CASKIN2: variants seen among roughly 807,000 people sequenced by gnomAD.
CASKIN2 encodes caskin-2.
Under a neutral mutation model 107.1 loss-of-function variants are expected in CASKIN2, and 41 were observed. The ratio of observed to expected loss-of-function variants is 0.38; its 90% confidence interval spans 0.30 to 0.50. CASKIN2 has a LOEUF of 0.50. Among genes scored for constraint, CASKIN2 ranks in the 20% least tolerant of loss-of-function variants. The pLI is 0.92. For missense variants in CASKIN2, 1,546 were observed against 1,657.4 expected (o/e 0.93, Z 1.17); for synonymous variants, 724 against 705.6 (o/e 1.03, Z -0.41).
chr17:75,501,997 G>C lies in CASKIN2; in HGVS notation c.3077C>G (p.Thr1026Ser). 1.9e-6 allele frequency: 3 copies of C among 1,612,656 alleles called. No individual in the cohort carries two copies. The highest frequency in any genetic ancestry group is 2.5e-6 in the Non-Finnish European group (3 of 1,179,662). The stretch of plus-strand genomic sequence containing the variant: ...AGAAGCTGGAGGAGACTCGCCAGGA[G>C]TTGGGGAAGGCAGTGGGGCAGCGGG... The part of the protein sequence containing the change: ...PGPAAPLPSP[T>S]PGESPPASSL... The change falls in exon 18 of 20, where the codon ACT (threonine) becomes AGT (serine). Residue 1026 changes from threonine to serine, a missense_variant. Coordinates refer to ENST00000321617, the MANE Select transcript of CASKIN2 (RefSeq NM_020753.5).
In CASKIN2 at chr17:75,502,106, C is replaced by A; in HGVS notation, c.2968G>T (p.Val990Phe). The A allele has an allele frequency of 6.2e-7, 1 of 1,608,472 alleles. No individual in the cohort carries two copies. Among genetic ancestry groups the A allele is most frequent in the Non-Finnish European group, 8.5e-7 (1 of 1,179,876 alleles). Reference protein sequence around the residue: ...LDFNLTESDTVKRRPKCRERE... With the variant: ...LDFNLTESDTFKRRPKCRERE... Reference sequence around the variant, plus strand: ...TCCCGGCACTTGGGCCTCCGCTTAACAGTGTCTGATTCCGTGAGGTTGAAA... The same window carrying A: ...TCCCGGCACTTGGGCCTCCGCTTAAAAGTGTCTGATTCCGTGAGGTTGAAA... Residue 990 changes from valine (V) to phenylalanine (F), a missense_variant, in exon 18 of 20, where the codon GTT becomes TTT. By Grantham distance (50) the Val-to-Phe change is conservative (BLOSUM62 -1). This residue lies in a region of CASKIN2 where 1,311 missense variants were observed against 1,311.0 expected (regional missense o/e 1.00). Transcript: ENST00000321617. The surrounding 1 kb of genome is among the most constrained non-coding windows in gnomAD (Gnocchi z 4.3).
Position 75,502,251 on chromosome 17 carries a change from TGGG to T in CASKIN2, c.2820_2822del (p.Pro941del). On this transcript the variant is annotated inframe_deletion, in exon 18 of 20. Coordinates refer to ENST00000321617, the MANE Select transcript of CASKIN2 (RefSeq NM_020753.5). This position sits in a 1 kb window ranked among gnomAD's most constrained non-coding sequence, Gnocchi z 4.3. ...GCCCTTCCCCAGAGCTGCCCCGAGA[TGGG>T]GGCGTCCCCTCAGGGCCTGGCTCCT... 1 of 1,555,168 alleles carries T rather than the reference TGGG, an allele frequency of 6.4e-7. No individual in the cohort carries two copies. Among genetic ancestry groups the T allele is most frequent in the East Asian group, 2.3e-5 (1 of 43,968 alleles).
At position 75,505,055 on chromosome 17, in the gene CASKIN2, C is replaced by T. The variant is rs145221152; in HGVS notation, c.949G>A (p.Asp317Asn). The T allele has an allele frequency of 7.0e-5, 112 of 1,611,018 alleles. No individual in the cohort carries two copies. Among genetic ancestry groups the T allele is most frequent in the Non-Finnish European group, 9.1e-5 (107 of 1,179,556 alleles). ...TGGATGTGGCCCTTCCAGCGGCCGT[C>T]GGGATGCTGTTCTAGCACCTGCGGC... ...DVITVLEQHP[D>N]GRWKGHIHES... Residue 317 changes from aspartate to asparagine, a missense_variant, in exon 11 of 20, where the codon GAC becomes AAC. Transcript: ENST00000321617. The surrounding 1 kb of genome is among the most constrained non-coding windows in gnomAD (Gnocchi z 5.1).
rs765945798 is a variant in CASKIN2 at position 75,503,692 on chromosome 17, G to C, written c.1647C>G (p.Leu549=). The C allele has an allele frequency of 2.9e-4, 474 of 1,612,304 alleles. 7 individuals carry two copies. The highest frequency in any genetic ancestry group is 3.0e-5 in the Non-Finnish European group (35 of 1,180,008). The change falls in exon 16 of 20, where the codon CTC becomes CTG. Residue 549 remains leucine, a synonymous_variant. Coordinates refer to ENST00000321617, the MANE Select transcript of CASKIN2 (RefSeq NM_020753.5). The part of the protein sequence containing the change: ...RKKIASEIAQ[L]SIAEWLPSYI... Reference sequence around the variant, plus strand: ...AGCTGGGCAGCCACTCGGCGATGCTGAGCTGAGCGATCTCTGAGGCGATCT... The same window carrying C: ...AGCTGGGCAGCCACTCGGCGATGCTCAGCTGAGCGATCTCTGAGGCGATCT...
In CASKIN2 at chr17:75,513,699, C is replaced by G. The variant is rs752086151; in HGVS notation, c.94+12G>C. On this transcript the variant is annotated intron_variant, in intron 2 of 19. Coordinates refer to ENST00000321617, the MANE Select transcript of CASKIN2 (RefSeq NM_020753.5). ...CGGCCTCAGCGGGATGCTCGTCCCA[C>G]CCGGTACTCACTTGTCTTTGTGGCC... The G allele has an allele frequency of 6.2e-7, 1 of 1,612,902 alleles. No individual in the cohort carries two copies. The highest frequency in any genetic ancestry group is 1.7e-4 in the Middle Eastern group (1 of 6,058).
At position 75,504,978 on chromosome 17, in the gene CASKIN2, G is replaced by A. The variant is rs761715660; in HGVS notation, c.1026C>T (p.Val342=). 2.5e-6 allele frequency: 4 copies of A among 1,612,348 alleles called. No homozygotes were observed. The highest frequency in any genetic ancestry group is 2.2e-5 in the East Asian group (1 of 44,874). The change falls in exon 11 of 20, where the codon GTC becomes GTT. Residue 342 remains valine, a synonymous_variant. Transcript: ENST00000321617. The part of the protein sequence containing the change: ...DRIGYFPPGI[V]EVVSKRVGIP... Reference sequence around the variant, plus strand: ...TGCCCACCCGCTTGCTGACCACCTCGACAATGCCCGGGGGGAAGTAGCCTA... The same window carrying A: ...TGCCCACCCGCTTGCTGACCACCTCAACAATGCCCGGGGGGAAGTAGCCTA...
At position 75,502,503 on chromosome 17, in the gene CASKIN2, C is replaced by A. The variant is rs747173090; in HGVS notation, c.2571G>T (p.Gln857His). The change falls in exon 18 of 20, where the codon CAG becomes CAT. Residue 857 changes from glutamine to histidine, a missense_variant. Coordinates refer to ENST00000321617, the MANE Select transcript of CASKIN2 (RefSeq NM_020753.5). The surrounding 1 kb of genome is among the most constrained non-coding windows in gnomAD (Gnocchi z 4.3). The part of the protein sequence containing the change: ...PTPARGTPRS[Q>H]SFALRARRKG... ...TGCGCCGGGCCCGCAGGGCAAAGGA[C>A]TGGCTGCGAGGAGTCCCCCGAGCTG... 7 of 1,467,070 alleles carry A rather than the reference C, an allele frequency of 4.8e-6. No individual in the cohort carries two copies. The highest frequency in any genetic ancestry group is 6.3e-6 in the Non-Finnish European group (7 of 1,104,600). 90.9% of individuals were successfully genotyped at this position (1,467,070 alleles called of 1,614,324 possible). A position where few individuals can be genotyped will look rare whatever the true frequency, so the allele number is the denominator to read the frequency against.
In CASKIN2 at chr17:75,505,239, G is replaced by T; in HGVS notation, c.931-166C>A. 1.3e-6 allele frequency: 1 copy of T among 783,688 alleles called. No individual in the cohort carries two copies. Among genetic ancestry groups the T allele is most frequent in the East Asian group, 2.6e-5 (1 of 38,348 alleles). The allele number at this position is 783,688 out of a possible 1,614,324, so 48.5% of individuals were successfully genotyped here. ...GGCCCAAGTTCCGCCCCTGCTGCCA[G>T]CAGCCAGCTCAATCTCCCCTGTGCC... is the stretch of plus-strand genomic sequence containing the variant. On this transcript the variant is annotated intron_variant, in intron 10 of 19. Coordinates refer to ENST00000321617, the MANE Select transcript of CASKIN2 (RefSeq NM_020753.5). This position sits in a 1 kb window ranked among gnomAD's most constrained non-coding sequence, Gnocchi z 5.1.
At position 75,502,538 on chromosome 17, in the gene CASKIN2, T is replaced by G; in HGVS notation, c.2536A>C (p.Thr846Pro). The G allele has an allele frequency of 6.6e-7, 1 of 1,507,386 alleles. No individual in the cohort carries two copies. Among genetic ancestry groups the G allele is most frequent in the Non-Finnish European group, 8.9e-7 (1 of 1,122,424 alleles). The allele number at this position is 1,507,386 out of a possible 1,614,324, so 93.4% of individuals were successfully genotyped here. Reference sequence around the variant, plus strand: ...GGAGTCCCCCGAGCTGGGGTTGGGGTCACACTAGGACTGGTCCGGACAAGG... The same window carrying G: ...GGAGTCCCCCGAGCTGGGGTTGGGGGCACACTAGGACTGGTCCGGACAAGG... ...SALVRTSPSV[T>P]PTPARGTPRS... Residue 846 changes from threonine to proline, a missense_variant, in exon 18 of 20, where the codon ACC (threonine) becomes CCC (proline). Physicochemically the swap from Thr to Pro is conservative, Grantham distance 38. Coordinates refer to ENST00000321617, the MANE Select transcript of CASKIN2 (RefSeq NM_020753.5). This position sits in a 1 kb window ranked among gnomAD's most constrained non-coding sequence, Gnocchi z 4.3.
Position 75,502,182 on chromosome 17 carries a change from C to T in CASKIN2, c.2892G>A (p.Pro964=), listed in dbSNP as rs771878292. The change falls in exon 18 of 20, where the codon CCG becomes CCA. Residue 964 remains proline, a synonymous_variant. Transcript: ENST00000321617. This position sits in a 1 kb window ranked among gnomAD's most constrained non-coding sequence, Gnocchi z 4.3. The part of the protein sequence containing the change: ...EEGNLTIKQR[P]KPAGPPPRET... ...CTCGGGGCGGGGGGCCAGCGGGCTTCGGGCGCTGTTTGATGGTCAGGTTCC... is the reference window on the plus strand; with the variant it reads ...CTCGGGGCGGGGGGCCAGCGGGCTTTGGGCGCTGTTTGATGGTCAGGTTCC... 334 of 1,598,904 alleles carry T rather than the reference C, an allele frequency of 2.1e-4. No homozygotes were observed. Among genetic ancestry groups the T allele is most frequent in the Admixed American group, 3.2e-4 (19 of 59,840 alleles).
chr17:75,503,495 C>T lies in CASKIN2; in HGVS notation c.1713G>A (p.Gly571=). 6.2e-7 allele frequency: 1 copy of T among 1,611,722 alleles called. No homozygotes were observed. The highest frequency in any genetic ancestry group is 8.5e-7 in the Non-Finnish European group (1 of 1,179,762). The change falls in exon 17 of 20, where the codon GGG becomes GGA. Residue 571 remains glycine, a synonymous_variant. Transcript: ENST00000321617. ...TDLLEWLCAL[G]LPQYHKQLVS... ...CCAGCTGCTTGTGGTACTGTGGCAG[C>T]CCCAGTGCACACAGCCACTCCAGCA...
chr17:75,505,722 T>G lies in CASKIN2; in HGVS notation c.836-71A>C. The G allele has an allele frequency of 6.4e-7, 1 of 1,557,188 alleles. No homozygotes were observed. The highest frequency in any genetic ancestry group is 1.1e-5 in the South Asian group (1 of 89,310). On this transcript the variant is annotated intron_variant, in intron 9 of 19. Coordinates refer to ENST00000321617, the MANE Select transcript of CASKIN2 (RefSeq NM_020753.5). The surrounding 1 kb of genome is among the most constrained non-coding windows in gnomAD (Gnocchi z 5.1). Reference sequence around the variant, plus strand: ...GGCATCTTCCCACCCCTCATGCCCTTGACAACCCTCCCCCAGGGACGTCCA... The same window carrying G: ...GGCATCTTCCCACCCCTCATGCCCTGGACAACCCTCCCCCAGGGACGTCCA...
Position 75,501,506 on chromosome 17 carries a change from T to C in CASKIN2, c.3480A>G (p.Arg1160=). The part of the protein sequence containing the change: ...QTSSSLAAAL[R]AAEKSIGTKE... ...TGGTGCCAATGCTCTTCTCTGCGGC[T>C]CTCAGTGCAGCTGCCAGGGACGAGC... The change falls in exon 19 of 20, where the codon AGA becomes AGG. Residue 1160 remains arginine, a synonymous_variant. Coordinates refer to ENST00000321617, the MANE Select transcript of CASKIN2 (RefSeq NM_020753.5). The C allele has an allele frequency of 6.2e-7, 1 of 1,612,298 alleles. No homozygotes were observed. Among genetic ancestry groups the C allele is most frequent in the Non-Finnish European group, 8.5e-7 (1 of 1,179,460 alleles).
chr17:75,506,025 T>C lies in CASKIN2; in HGVS notation c.727-96A>G. ...CGGGACATAGGTACTATTACCATTT[T>C]CCGATTTTACAGATGAGGACATAGA... On this transcript the variant is annotated intron_variant, in intron 8 of 19. Transcript: ENST00000321617. This position sits in a 1 kb window ranked among gnomAD's most constrained non-coding sequence, Gnocchi z 4.8. 1 of 1,140,230 alleles carries C rather than the reference T, an allele frequency of 8.8e-7. No individual in the cohort carries two copies. The highest frequency in any genetic ancestry group is 1.5e-5 in the African/African-American group (1 of 65,192). The allele number at this position is 1,140,230 out of a possible 1,614,324, so 70.6% of individuals were successfully genotyped here. A position where few individuals can be genotyped will look rare whatever the true frequency, so the allele number is the denominator to read the frequency against.
Position 75,502,205 on chromosome 17 carries a change from T to C in CASKIN2, c.2869A>G (p.Asn957Asp). ...GEGLPFAEEGNLTIKQRPKPA... is the reference protein window; with the variant it reads ...GEGLPFAEEGDLTIKQRPKPA... ...TTCGGGCGCTGTTTGATGGTCAGGT[T>C]CCCTTCCTCTGCAAACGGCAGCCCT... The change falls in exon 18 of 20, where the codon AAC becomes GAC. Residue 957 changes from asparagine to aspartate, a missense_variant. Asn to Asp is a conservative substitution (Grantham distance 23). Around this residue, in one of 6 missense-constraint regions of CASKIN2, gnomAD observed 1,311 missense variants for 1,311.0 expected, o/e 1.00. Coordinates refer to ENST00000321617, the MANE Select transcript of CASKIN2 (RefSeq NM_020753.5). This position sits in a 1 kb window ranked among gnomAD's most constrained non-coding sequence, Gnocchi z 4.3. 1 of 1,596,796 alleles carries C rather than the reference T, an allele frequency of 6.3e-7. No homozygotes were observed.
In CASKIN2 at chr17:75,503,032, G is replaced by A. The variant is rs776288164; in HGVS notation, c.2042C>T (p.Ala681Val). 6.2e-6 allele frequency: 10 copies of A among 1,605,980 alleles called. No homozygotes were observed. In the Admixed American group the frequency reaches 6.7e-5, roughly 11 times the overall value. The part of the protein sequence containing the change: ...ELSPELQAAM[A>V]GGGPEPLPLP... ...GGGGAGTGGTTCAGGGCCACCCCCTGCCATGGCCGCCTGTAGCTCTGGGCT... is the reference window on the plus strand; with the variant it reads ...GGGGAGTGGTTCAGGGCCACCCCCTACCATGGCCGCCTGTAGCTCTGGGCT... Residue 681 changes from alanine to valine, a missense_variant, in exon 18 of 20, where the codon GCA (alanine) becomes GTA (valine). Around this residue, in one of 6 missense-constraint regions of CASKIN2, gnomAD observed 1,311 missense variants for 1,311.0 expected, o/e 1.00. Coordinates refer to ENST00000321617, the MANE Select transcript of CASKIN2 (RefSeq NM_020753.5).
At position 75,500,834 on chromosome 17, in the gene CASKIN2, C is replaced by T. The variant is rs908923578; in HGVS notation, c.*246G>A. The stretch of plus-strand genomic sequence containing the variant: ...CAGGAGCAGGGCTGTCCTGCTCAAT[C>T]GATCAAACCCTGGGAGGGGCTTTGC... On this transcript the variant is annotated 3_prime_UTR_variant, in exon 20 of 20. Transcript: ENST00000321617. 1.8e-5 allele frequency: 9 copies of T among 507,172 alleles called. No individual in the cohort carries two copies. Among genetic ancestry groups the T allele is most frequent in the African/African-American group, 7.8e-5 (4 of 51,378 alleles). The allele number at this position is 507,172 out of a possible 1,614,324, so 31.4% of individuals were successfully genotyped here. A position where few individuals can be genotyped will look rare whatever the true frequency, so the allele number is the denominator to read the frequency against.
chr17:75,500,672 C>T lies in CASKIN2; in HGVS notation c.*408G>A. On this transcript the variant is annotated 3_prime_UTR_variant, in exon 20 of 20. Coordinates refer to ENST00000321617, the MANE Select transcript of CASKIN2 (RefSeq NM_020753.5). ...CACGCCTCCTCCAGCCTCTCAGGGC[C>T]TGGGCAGGATGGTGGGTGGCAAGAG... 4.2e-6 allele frequency: 1 copy of T among 239,110 alleles called. No individual in the cohort carries two copies. Among genetic ancestry groups the T allele is most frequent in the Non-Finnish European group, 8.4e-6 (1 of 119,688 alleles). 14.8% of individuals were successfully genotyped at this position (239,110 alleles called of 1,614,324 possible).
rs564642915 is a variant in CASKIN2, at chr17:75,500,647, C to T, written c.*433G>A. 1 of 225,084 alleles carries T rather than the reference C, an allele frequency of 4.4e-6. No homozygotes were observed. The highest frequency in any genetic ancestry group is 1.5e-4 in the East Asian group (1 of 6,734). 13.9% of individuals were successfully genotyped at this position (225,084 alleles called of 1,614,324 possible). A position where few individuals can be genotyped will look rare whatever the true frequency, so the allele number is the denominator to read the frequency against. On this transcript the variant is annotated 3_prime_UTR_variant, in exon 20 of 20. Coordinates refer to ENST00000321617, the MANE Select transcript of CASKIN2 (RefSeq NM_020753.5). ...TACGGAGAGGGGGCCCGGCCAGACA[C>T]ACGCCTCCTCCAGCCTCTCAGGGCC...
Sources: gnomAD v4.1 joint callset for allele counts on GRCh38, gnomAD v4.1.1 for gene constraint, gnomAD v4.1.1 regional missense constraint, Gnocchi (gnomAD v3.1) non-coding constraint, MANE v1.5 for transcripts, NCBI Gene and HGNC (gene_info 2026-07-23, HGNC 2026-07-21) for gene names.